Variants in POU6F2 observed in about 807,000 individuals in gnomAD.
POU6F2 encodes POU class 6 homeobox 2.
POU6F2 carries 31 observed loss-of-function variants against 71.3 expected under a neutral mutation model. The ratio of observed to expected loss-of-function variants is 0.43; its 90% CI spans 0.33 to 0.59. The LOEUF (loss-of-function observed/expected upper bound fraction) is 0.59, where lower values mean the gene tolerates loss of function less well. Ranked by LOEUF, POU6F2 falls within the 20% of genes least tolerant of loss-of-function variation. The pLI is 0.04. For missense variants in POU6F2, 783 were observed against 856.8 expected (o/e 0.91, Z 1.07); for synonymous variants, 347 against 355.7 (o/e 0.98, Z 0.27).
At chr7:39,361,968 C>T (rs1010849551) in intron 5 of POU6F2, among the ~76,000 whole-genome samples, 1 of 152,202 alleles carries the variant, frequency 6.6e-6, no homozygotes. Flanking sequence ...AAGCGGCCAG[C>T]AGACAGGGCA....
chr7:39,442,098 T>C (rs1359888020), intron 7 of POU6F2, among the ~76,000 whole-genome samples: 2 of 152,184 alleles, frequency 1.3e-5, no homozygotes, highest in Admixed American at 1.3e-4. Flanking sequence ...TCAGAGACTA[T>C]GCTTGGAAAA....
intron 4 of POU6F2, among the ~76,000 whole-genome samples, chr7:39,218,238 A>G (rs376503422): frequency 6.6e-6 from 1 of 152,150 alleles, no homozygotes; most frequent in East Asian, 1.9e-4. Flanking sequence ...GAAATTCACA[A>G]TCTCACTCCA....
chr7:39,254,400 C>T (rs1783979566), intron 4 of POU6F2, among the ~76,000 whole-genome samples: 1 of 152,112 alleles, frequency 6.6e-6, no homozygotes, highest in East Asian at 1.9e-4. Context: ...CCATGCTAGT[C>T]TGGATTTTAG....
rs923807744 is a variant in POU6F2 at position 39,175,647 on chromosome 7, A to G, written c.278-28588A>G. On this transcript the variant is annotated intron_variant, in intron 2 of 9. Transcript: ENST00000518318. ...TCTGTCTTTATATCAATGCAGTCAT[A>G]AAGTATAATTTTGAATTTTTTTAAT... Among the ~76,000 whole-genome samples the G allele has an allele frequency of 3.3e-5, 5 of 152,280 alleles. No homozygotes were observed. In the East Asian group the frequency reaches 5.8e-4, roughly 18 times the overall value.
intron 4 of POU6F2, among the ~76,000 whole-genome samples, chr7:39,338,224 G>T (rs1442459163): frequency 6.6e-6 from 1 of 152,208 alleles, no homozygotes; most frequent in Non-Finnish European, 1.5e-5. Context: ...GACTGCAGAA[G>T]ATCTAGGGAG....
rs550244271 is a variant in POU6F2 at position 38,991,288 on chromosome 7, G to C, written c.105+13230G>C. Among the ~76,000 whole-genome samples, 44 of 151,990 alleles carry C rather than the reference G, an allele frequency of 2.9e-4. No individual in the cohort carries two copies. In the South Asian group the frequency reaches 8.5e-3, roughly 29 times the overall value. On this transcript the variant is annotated intron_variant, in intron 1 of 9. Transcript: ENST00000518318. ...CATTTTATTCTATTAGAGTTTCAAGGGACAATAAATAAGACCCTTTCTTTA... is the reference window on the plus strand; with the variant it reads ...CATTTTATTCTATTAGAGTTTCAAGCGACAATAAATAAGACCCTTTCTTTA...
rs1378662086 is a variant in POU6F2 at position 39,305,404 on chromosome 7, T to G, written c.599-34238T>G. 1.3e-5 allele frequency among the ~76,000 whole-genome samples: 2 copies of G among 152,256 alleles called. 1 individual carries two copies. Among genetic ancestry groups the G allele is most frequent in the East Asian group, 3.8e-4 (2 of 5,204 alleles). Reference sequence around the variant, plus strand: ...AAAATGTATGTAACTCAAAAATGCCTTCTTATAACTCTTAAACAGTATTTT... The same window carrying G: ...AAAATGTATGTAACTCAAAAATGCCGTCTTATAACTCTTAAACAGTATTTT... On this transcript the variant is annotated intron_variant, in intron 4 of 9. Coordinates refer to ENST00000518318, the MANE Select transcript of POU6F2 (RefSeq NM_001370959.1).
chr7:39,422,925 C>T lies in POU6F2; in HGVS notation c.1114-10152C>T, dbSNP rs371830606. 1.1e-4 allele frequency among the ~76,000 whole-genome samples: 16 copies of T among 152,312 alleles called. No individual in the cohort carries two copies. In the East Asian group the frequency reaches 2.1e-3, roughly 20 times the overall value. On this transcript the variant is annotated intron_variant, in intron 6 of 9. Transcript: ENST00000518318. Reference sequence around the variant, plus strand: ...TCTCAAGATCTAGAAAACTGCCTGACAGTGCCATCAACAATGGTGCAGCAA... The same window carrying T: ...TCTCAAGATCTAGAAAACTGCCTGATAGTGCCATCAACAATGGTGCAGCAA...
chr7:39,429,118 T>A (rs1436776848), intron 6 of POU6F2, among the ~76,000 whole-genome samples: 12 of 148,826 alleles, frequency 8.1e-5, no homozygotes, highest in Non-Finnish European at 4.5e-5. Flanking sequence ...ATAATAATAA[T>A]AAAAAAAAAA....
In POU6F2 at chr7:39,365,041, A is replaced by G. The variant is rs577124884; in HGVS notation, c.972+25026A>G. On this transcript the variant is annotated intron_variant, in intron 5 of 9. Coordinates refer to ENST00000518318, the MANE Select transcript of POU6F2 (RefSeq NM_001370959.1). ...TTAATGATGTTAAGCATTTTTTCAT[A>G]TGTTTGTTGGCCATTTGTATATCTT... Among the ~76,000 whole-genome samples, 12 of 152,072 alleles carry G rather than the reference A, an allele frequency of 7.9e-5. No homozygotes were observed. The South Asian group carries it at 2.3e-3, about 29-fold the overall frequency.
At chr7:39,031,599 C>G (rs1435292790) in intron 1 of POU6F2, among the ~76,000 whole-genome samples, 1 of 152,006 alleles carries the variant, frequency 6.6e-6, no homozygotes, top group Non-Finnish European at 1.5e-5. Flanking sequence ...ATTGCACTTG[C>G]CAGCCGGGCA....
At chr7:39,405,604 G>C (rs888769179) in intron 5 of POU6F2, among the ~76,000 whole-genome samples, 15 of 152,160 alleles carry the variant, frequency 9.9e-5, no homozygotes, top group African/African-American at 3.6e-4. Flanking sequence ...AAATACAAAT[G>C]AAATTCATGT....
At chr7:39,131,911 A>G (rs1792292900) in intron 2 of POU6F2, among the ~76,000 whole-genome samples, 1 of 152,012 alleles carries the variant, frequency 6.6e-6, no homozygotes, top group Non-Finnish European at 1.5e-5. Flanking sequence ...TATGGGGTGC[A>G]TAAGATGTTT....
At chr7:39,060,073 T>C (rs1278762369) in intron 1 of POU6F2, among the ~76,000 whole-genome samples, 1 of 152,192 alleles carries the variant, frequency 6.6e-6, no homozygotes, top group East Asian at 1.9e-4. Context: ...CCGGGCGCGG[T>C]GGCGGGTGCC....
At chr7:39,222,277 T>G (rs969017582) in intron 4 of POU6F2, among the ~76,000 whole-genome samples, 13 of 152,204 alleles carry the variant, frequency 8.5e-5, no homozygotes, top group Admixed American at 1.3e-4. Flanking sequence ...AACTACCAAA[T>G]TCAGTTGAAT....
intron 2 of POU6F2, among the ~76,000 whole-genome samples, chr7:39,141,951 G>T (rs1294397265): frequency 6.6e-6 from 1 of 152,042 alleles, no homozygotes; most frequent in Non-Finnish European, 1.5e-5. Flanking sequence ...GCCAGGTGGG[G>T]TGGCCCACAC....
intron 1 of POU6F2, among the ~76,000 whole-genome samples, chr7:38,986,608 G>A (rs988243664): frequency 1.3e-5 from 2 of 152,116 alleles, no homozygotes; most frequent in African/African-American, 4.8e-5. Flanking sequence ...TTATATGCAC[G>A]TGATTGAAGT....
chr7:39,233,029 A>G (rs1398165757), intron 4 of POU6F2, among the ~76,000 whole-genome samples: 2 of 152,200 alleles, frequency 1.3e-5, no homozygotes. Context: ...AGCATATTAT[A>G]TATTTTAAAT....
At chr7:39,415,392 T>A (rs1005094927) in intron 6 of POU6F2, among the ~76,000 whole-genome samples, 2 of 152,216 alleles carry the variant, frequency 1.3e-5, no homozygotes, top group Admixed American at 1.3e-4. Context: ...TTGTGGAGGC[T>A]CCTAAATCTA....
Sources: allele counts gnomAD v4.1 joint callset (sites outside exome capture counted in the v4.1 genomes callset), GRCh38; gene constraint gnomAD v4.1.1; transcripts MANE v1.5; gene names NCBI Gene and HGNC (gene_info 2026-07-23, HGNC 2026-07-21).